RALYL: variants seen among roughly 807,000 people sequenced by gnomAD.
RALYL encodes the protein RALY RNA binding protein like, also known as RNA-binding Raly-like protein.
RALYL carries 29 observed loss-of-function variants against 35.1 expected under a neutral mutation model. That is an observed-to-expected ratio of 0.83 (90% confidence interval 0.61 to 1.13). RALYL has a LOEUF of 1.13. Ranked by LOEUF, RALYL falls within the 50% of genes most tolerant of loss-of-function variation. The pLI, the probability that RALYL is intolerant of heterozygous loss-of-function variation, is 0.00. For synonymous variants in RALYL, 120 were observed against 127.6 expected (o/e 0.94, Z 0.40); for missense variants, 359 against 360.4 (o/e 1.00, Z 0.03).
At chr8:84,593,108 A>G (rs973233116) in intron 2 of RALYL, among the ~76,000 whole-genome samples, 1 of 152,082 alleles carries the variant, frequency 6.6e-6, no homozygotes, top group Non-Finnish European at 1.5e-5. Flanking sequence ...TTTGGATCTT[A>G]TCTTTTTAAT....
Position 84,478,922 on chromosome 8 carries a change from T to TAAAAAAAAAAAAAAAAAAAAAAAA in RALYL, c.-23-50372_-23-50371insAAAAAAAAAAAAAAAAAAAAAAAA, listed in dbSNP as rs1587656659. 5.4e-3 allele frequency among the ~76,000 whole-genome samples: 457 copies of TAAAAAAAAAAAAAAAAAAAAAAAA among 85,114 alleles called. 44 individuals are homozygous for TAAAAAAAAAAAAAAAAAAAAAAAA. The highest frequency in any genetic ancestry group is 0.01 in the African/African-American group (279 of 26,846). The allele number at this position is 85,114 out of a possible 152,430, so 55.8% of individuals were successfully genotyped here. A position where few individuals can be genotyped will look rare whatever the true frequency, so the allele number is the denominator to read the frequency against. On this transcript the variant is annotated intron_variant, in intron 1 of 8. Transcript: ENST00000521268. ...TAACACCGTGAAACCCCGTCTCTACTAAAAATACAAAACATTAGCCGGGCA... is the reference window on the plus strand; with the variant it reads ...TAACACCGTGAAACCCCGTCTCTACTAAAAAAAAAAAAAAAAAAAAAAAAAAAAATACAAAACATTAGCCGGGCA...
At chr8:84,828,171 T>C (rs892526346) in intron 4 of RALYL, among the ~76,000 whole-genome samples, 2 of 151,926 alleles carry the variant, frequency 1.3e-5, no homozygotes, top group Non-Finnish European at 2.9e-5. Flanking sequence ...GAAACAAAAA[T>C]AATTAATTTT....
At chr8:84,318,661 C>T (rs1844228723) in intron 1 of RALYL, among the ~76,000 whole-genome samples, 1 of 152,028 alleles carries the variant, frequency 6.6e-6, no homozygotes, top group Non-Finnish European at 1.5e-5. Context: ...ACATTAAAAC[C>T]TTACTGCCTA....
At chr8:84,189,674 GT>G (rs200191174) in intron 1 of RALYL, among the ~76,000 whole-genome samples, 239 of 138,950 alleles carry the variant, frequency 1.7e-3, no homozygotes, top group Middle Eastern at 0.012. Context: ...GACGACTCAT[GT>G]TTTTTTTTTT....
At chr8:84,888,512 G>A (rs1044908202) in intron 8 of RALYL, among the ~76,000 whole-genome samples, 6 of 152,084 alleles carry the variant, frequency 3.9e-5, no homozygotes, top group Non-Finnish European at 5.9e-5. Context: ...GGGCAAATGT[G>A]GGTATATATG....
chr8:84,287,246 A>T (rs990389132), intron 1 of RALYL, among the ~76,000 whole-genome samples: 5 of 152,126 alleles, frequency 3.3e-5, no homozygotes, highest in Non-Finnish European at 5.9e-5. Context: ...TGGATAATAA[A>T]ATGGTGAGGG....
At chr8:84,778,526 G>A (rs1008815255) in intron 3 of RALYL, among the ~76,000 whole-genome samples, 26 of 152,216 alleles carry the variant, frequency 1.7e-4, no homozygotes, top group African/African-American at 6.3e-4. Flanking sequence ...AAATGAGGAA[G>A]TTACTGATTC....
intron 1 of RALYL, among the ~76,000 whole-genome samples, chr8:84,262,934 G>A (rs1369520683): frequency 2.0e-5 from 3 of 152,056 alleles, no homozygotes; most frequent in Non-Finnish European, 2.9e-5. Context: ...CAATTGGAAA[G>A]GTACCTGTTG....
At chr8:84,322,781 C>T (rs1845102713) in intron 1 of RALYL, among the ~76,000 whole-genome samples, 1 of 152,036 alleles carries the variant, frequency 6.6e-6, no homozygotes. Context: ...CTCAAGCTTC[C>T]CTACTTCCGG....
chr8:84,260,558 G>C (rs749291309), intron 1 of RALYL, among the ~76,000 whole-genome samples: 1 of 152,102 alleles, frequency 6.6e-6, no homozygotes, highest in Non-Finnish European at 1.5e-5. Context: ...CTTTAGTCAC[G>C]TTCTCTTGAT....
At chr8:84,685,936 T>G (rs1836676869) in intron 2 of RALYL, among the ~76,000 whole-genome samples, 1 of 152,114 alleles carries the variant, frequency 6.6e-6, no homozygotes, top group Non-Finnish European at 1.5e-5. Context: ...AAAGGTTGTA[T>G]TAGGTGCAGA....
chr8:84,185,526 T>G (rs1442635030), intron 1 of RALYL, among the ~76,000 whole-genome samples: 1 of 152,078 alleles, frequency 6.6e-6, no homozygotes, highest in Non-Finnish European at 1.5e-5. Context: ...TATTTAACAC[T>G]GTGACCGAAT....
chr8:84,468,608 G>C (rs2133606452), intron 1 of RALYL, among the ~76,000 whole-genome samples: 1 of 147,894 alleles, frequency 6.8e-6, no homozygotes, highest in South Asian at 2.3e-4. Context: ...TGGTGAATCT[G>C]ACAATTATGT....
chr8:84,790,177 AT>A (rs1256729746), intron 3 of RALYL, among the ~76,000 whole-genome samples: 1 of 152,210 alleles, frequency 6.6e-6, no homozygotes, highest in Non-Finnish European at 1.5e-5. Flanking sequence ...TGGAATGTTA[AT>A]TGAAAAAAGC....
chr8:84,675,942 G>A (rs1474508191), intron 2 of RALYL, among the ~76,000 whole-genome samples: 1 of 152,120 alleles, frequency 6.6e-6, no homozygotes, highest in East Asian at 1.9e-4. Flanking sequence ...ACATGAATTG[G>A]TGAATCTTAA....
At chr8:84,429,831 C>T (rs1319999153) in intron 1 of RALYL, among the ~76,000 whole-genome samples, 2 of 151,950 alleles carry the variant, frequency 1.3e-5, no homozygotes, top group Non-Finnish European at 2.9e-5. Flanking sequence ...TAAAGGATGT[C>T]CACTATCTGC....
intron 1 of RALYL, among the ~76,000 whole-genome samples, chr8:84,323,794 A>C (rs1449601422): frequency 6.6e-6 from 1 of 152,088 alleles, no homozygotes; most frequent in Non-Finnish European, 1.5e-5. Flanking sequence ...TTCATGATCA[A>C]ACAAGTATTT....
intron 2 of RALYL, among the ~76,000 whole-genome samples, chr8:84,604,111 G>T (rs978879894): frequency 6.6e-6 from 1 of 151,946 alleles, no homozygotes; most frequent in Non-Finnish European, 1.5e-5. Flanking sequence ...AAAATGAATG[G>T]ATATTTTTCT....
chr8:84,891,738 T>C (rs12545758), intron 8 of RALYL, among the ~76,000 whole-genome samples: 45,113 of 152,142 alleles, frequency 0.3, 7,399 homozygotes, highest in East Asian at 0.72. Flanking sequence ...CTCCTAGTGA[T>C]TGGCCAAGAG....
Sources: gnomAD v4.1 joint callset for allele counts (sites outside exome capture counted in the v4.1 genomes callset) on GRCh38, gnomAD v4.1.1 for gene constraint, MANE v1.5 for transcripts, NCBI Gene and HGNC (gene_info 2026-07-23, HGNC 2026-07-21) for gene names.